The following PCDH7 variants were observed in gnomAD, a reference collection of about 807,000 sequenced individuals.
The protein encoded by PCDH7 is protocadherin 7, also known as protocadherin-7.
A neutral mutation model predicts 58.9 loss-of-function variants in PCDH7; 17 were observed. The ratio of observed to expected loss-of-function variants is 0.29; its 90% CI spans 0.20 to 0.43. PCDH7 has a LOEUF of 0.43. Ranked by LOEUF, PCDH7 falls within the 20% of genes least tolerant of loss-of-function variation. PCDH7 has a pLI of 1.00. For missense variants in PCDH7, 1,274 were observed against 1,441.0 expected (o/e 0.88, Z 1.88); for synonymous variants, 664 against 616.4 (o/e 1.08, Z -1.14).
intron 3 of PCDH7, among the ~76,000 whole-genome samples, chr4:30,962,781 A>AC (rs1748578760): frequency 6.7e-6 from 1 of 149,146 alleles, no homozygotes. Context: ...AGTCTTAAAA[A>AC]AAAAAAAAAA....
intron 3 of PCDH7, among the ~76,000 whole-genome samples, chr4:31,119,173 T>C (rs999109537): frequency 1.3e-5 from 2 of 152,206 alleles, no homozygotes; most frequent in African/African-American, 2.4e-5. Context: ...AACTCACACA[T>C]TCTCTGTTAT....
chr4:30,782,259 C>A (rs1419954253), intron 1 of PCDH7, among the ~76,000 whole-genome samples: 1 of 152,046 alleles, frequency 6.6e-6, no homozygotes, highest in Admixed American at 6.6e-5. Context: ...ACAATGATAA[C>A]TTTGCTGTCT....
chr4:30,873,290 G>A (rs1474160527), intron 1 of PCDH7, among the ~76,000 whole-genome samples: 1 of 151,968 alleles, frequency 6.6e-6, no homozygotes, highest in African/African-American at 2.4e-5. Context: ...ATACAATTAT[G>A]CTTTAGAGCT....
intron 3 of PCDH7, among the ~76,000 whole-genome samples, chr4:31,027,696 C>T (rs1754551302): frequency 6.6e-6 from 1 of 152,180 alleles, no homozygotes; most frequent in South Asian, 2.1e-4. Context: ...GCTGGGATTA[C>T]AGGCGTGAGC....
chr4:31,055,265 G>T (rs1052952480), intron 3 of PCDH7, among the ~76,000 whole-genome samples: 3 of 152,038 alleles, frequency 2.0e-5, no homozygotes, highest in Non-Finnish European at 4.4e-5. Context: ...TATATTTTCA[G>T]TTTTTTAGAG....
chr4:30,874,897 A>T (rs1005090458), intron 1 of PCDH7, among the ~76,000 whole-genome samples: 1 of 151,864 alleles, frequency 6.6e-6, no homozygotes, highest in Non-Finnish European at 1.5e-5. Flanking sequence ...ATTATTTATT[A>T]TTCTTATTTT....
chr4:31,122,666 A>G (rs1335026761), intron 3 of PCDH7, among the ~76,000 whole-genome samples: 2 of 152,026 alleles, frequency 1.3e-5, no homozygotes, highest in East Asian at 3.9e-4. Flanking sequence ...GGTAGAGATG[A>G]TAGCGTGTTG....
In PCDH7 at chr4:30,723,237, T is replaced by C. The variant is rs2109227144; in HGVS notation, c.1815T>C (p.Tyr605=). ...TGGACCGCGAGCAGACTGACAGGTATGAGTTTAAAGTTAACGCCAAAGACA... is the reference window on the plus strand; with the variant it reads ...TGGACCGCGAGCAGACTGACAGGTACGAGTTTAAAGTTAACGCCAAAGACA... The change falls in exon 1 of 2, where the codon TAT becomes TAC. Residue 605 remains tyrosine (Y), a synonymous_variant. Coordinates refer to ENST00000361762, the Ensembl canonical transcript of PCDH7. This position sits in a 1 kb window ranked among gnomAD's most constrained non-coding sequence, Gnocchi z 4.6. The C allele has an allele frequency of 1.2e-6, 2 of 1,614,156 alleles. No homozygotes were observed. Among genetic ancestry groups the C allele is most frequent in the Non-Finnish European group, 1.7e-6 (2 of 1,180,042 alleles).
chr4:31,058,145 A>C (rs932033819), intron 3 of PCDH7, among the ~76,000 whole-genome samples: 5 of 152,008 alleles, frequency 3.3e-5, no homozygotes, highest in Non-Finnish European at 7.4e-5. Flanking sequence ...AACCAAAAAA[A>C]TTAAAATTAA....
intron 3 of PCDH7, among the ~76,000 whole-genome samples, chr4:31,106,868 C>T (rs1715640090): frequency 6.6e-6 from 1 of 152,164 alleles, no homozygotes; most frequent in South Asian, 2.1e-4. Flanking sequence ...TTATCTTTGA[C>T]ATTAGTCTGT....
intron 1 of PCDH7, among the ~76,000 whole-genome samples, chr4:30,823,761 T>C (rs1426748306): frequency 1.3e-5 from 2 of 152,116 alleles, no homozygotes; most frequent in Non-Finnish European, 2.9e-5. Context: ...TCTTAAATTA[T>C]CCTAGAATAG....
chr4:31,084,379 A>C (rs377378743), intron 3 of PCDH7, among the ~76,000 whole-genome samples: 2 of 152,150 alleles, frequency 1.3e-5, no homozygotes, highest in Non-Finnish European at 2.9e-5. Flanking sequence ...GAAATTAGTT[A>C]AAAGTATGGC....
At chr4:30,847,761 A>G (rs1018148118) in intron 1 of PCDH7, among the ~76,000 whole-genome samples, 4 of 152,090 alleles carry the variant, frequency 2.6e-5, no homozygotes, top group African/African-American at 9.7e-5. Context: ...TTCATTTTAG[A>G]GAATTATATA....
intron 1 of PCDH7, among the ~76,000 whole-genome samples, chr4:30,850,901 T>C (rs1190468970): frequency 6.6e-6 from 1 of 152,114 alleles, no homozygotes; most frequent in African/African-American, 2.4e-5. Flanking sequence ...CCTCCTTGGC[T>C]CCCTGCATTT....
downstream of PCDH7, among the ~76,000 whole-genome samples, chr4:30,733,932 A>G (rs1016607341): frequency 5.3e-5 from 8 of 152,318 alleles, no homozygotes; most frequent in Non-Finnish European, 1.0e-4. Context: ...CTAAAAAATC[A>G]TGCTTGTGGG....
At chr4:30,868,250 T>C (rs2109359788) in intron 1 of PCDH7, among the ~76,000 whole-genome samples, 1 of 152,224 alleles carries the variant, frequency 6.6e-6, no homozygotes, top group East Asian at 1.9e-4. Flanking sequence ...CATCACCTCG[T>C]TTAATCCCTA....
chr4:31,047,754 T>C (rs1756401966), intron 3 of PCDH7, among the ~76,000 whole-genome samples: 3 of 152,202 alleles, frequency 2.0e-5, no homozygotes, highest in Middle Eastern at 3.4e-3. Flanking sequence ...AAGATAAGTA[T>C]AGCTGATGCC....
intron 1 of PCDH7, among the ~76,000 whole-genome samples, chr4:30,901,335 G>A (rs1414354670): frequency 6.6e-6 from 1 of 152,072 alleles, no homozygotes; most frequent in Non-Finnish European, 1.5e-5. Context: ...ATCCTACTTA[G>A]TTTATAAATC....
chr4:31,087,250 G>T (rs1712564938), intron 3 of PCDH7, among the ~76,000 whole-genome samples: 1 of 151,926 alleles, frequency 6.6e-6, no homozygotes, highest in Admixed American at 6.6e-5. Flanking sequence ...TACTCATTGT[G>T]GTGTCTGCAC....
Sources: allele counts gnomAD v4.1 joint callset (sites outside exome capture counted in the v4.1 genomes callset), GRCh38; gene constraint gnomAD v4.1.1; non-coding constraint Gnocchi (gnomAD v3.1); transcripts MANE v1.5; gene names NCBI Gene and HGNC (gene_info 2026-07-23, HGNC 2026-07-21).